PLEKHA5: variants seen among roughly 807,000 people sequenced by gnomAD.
PLEKHA5 encodes pleckstrin homology domain containing A5, also known as pleckstrin homology domain-containing family A member 5.
PLEKHA5 carries 55 observed loss-of-function variants against 181.9 expected under a neutral mutation model. That is an observed-to-expected ratio of 0.30 (90% CI 0.24 to 0.38). PLEKHA5 has a LOEUF of 0.38. Ranked by LOEUF, PLEKHA5 falls within the 10% of genes least tolerant of loss-of-function variation. PLEKHA5 has a pLI of 1.00. For missense variants in PLEKHA5, 1,432 were observed against 1,549.5 expected (o/e 0.92, Z 1.27); for synonymous variants, 535 against 529.4 (o/e 1.01, Z -0.15).
chr12:19,320,671 C>T (rs755769702), intron 18 of PLEKHA5, 47 bp downstream of exon 18: 32 of 824,844 alleles, frequency 3.9e-5, no homozygotes, highest in Non-Finnish European at 5.9e-5. Flanking sequence ...TCGTATTCTC[C>T]GCCAAAAACA....
intron 3 of PLEKHA5, among the ~76,000 whole-genome samples, chr12:19,161,330 GTTC>G (rs1329326594): frequency 2.0e-5 from 3 of 151,990 alleles, no homozygotes; most frequent in Non-Finnish European, 4.4e-5. Flanking sequence ...TTAATCATTG[GTTC>G]TTCACTGGAA....
intron 3 of PLEKHA5, among the ~76,000 whole-genome samples, chr12:19,187,978 A>C (rs2050233963): frequency 6.6e-6 from 1 of 152,190 alleles, no homozygotes; most frequent in Non-Finnish European, 1.5e-5. Flanking sequence ...GTTTGCTAAG[A>C]TTCTTTGACA....
intron 3 of PLEKHA5, among the ~76,000 whole-genome samples, chr12:19,192,464 G>A (rs911028671): frequency 3.9e-5 from 6 of 152,238 alleles, no homozygotes; most frequent in Admixed American, 2.6e-4. Context: ...TTGGGAGGCC[G>A]AGGCGGGCAG....
At chr12:19,374,053 G>T (rs567480813) in intron 31 of PLEKHA5, among the ~76,000 whole-genome samples, 15 of 152,294 alleles carry the variant, frequency 9.8e-5, no homozygotes, top group African/African-American at 2.6e-4. Context: ...ATGAAAACTT[G>T]TATTATTTCA....
intron 3 of PLEKHA5, among the ~76,000 whole-genome samples, chr12:19,174,180 A>G (rs1375954594): frequency 6.6e-6 from 1 of 152,192 alleles, no homozygotes; most frequent in East Asian, 1.9e-4. Context: ...AATTAAAACA[A>G]TGTAAATGCC....
chr12:19,284,676 A>G (rs2076861419), intron 12 of PLEKHA5, among the ~76,000 whole-genome samples: 1 of 152,226 alleles, frequency 6.6e-6, no homozygotes, highest in Non-Finnish European at 1.5e-5. Flanking sequence ...CTTTGTATCA[A>G]TCAGCTTTTC....
intron 3 of PLEKHA5, among the ~76,000 whole-genome samples, chr12:19,161,310 C>G (rs1024290141): frequency 7.2e-5 from 11 of 152,096 alleles, no homozygotes; most frequent in Non-Finnish European, 1.3e-4. Context: ...CCCCCCACAG[C>G]TTATTTGAGT....
At chr12:19,224,806 G>A (rs114644275) in intron 3 of PLEKHA5, among the ~76,000 whole-genome samples, 4,748 of 152,088 alleles carry the variant, frequency 0.031, 103 homozygotes, top group Middle Eastern at 0.088. Context: ...CAGTATACAC[G>A]TTCTAAAAGC....
At chr12:19,366,831 G>A (rs1273448857) in intron 30 of PLEKHA5, among the ~76,000 whole-genome samples, 1 of 152,028 alleles carries the variant, frequency 6.6e-6, no homozygotes, top group Non-Finnish European at 1.5e-5. Context: ...TCCTTCAATT[G>A]TAGAAAATTA....
At position 19,372,448 on chromosome 12, in the gene PLEKHA5, A is replaced by G. The variant is rs1280737868; in HGVS notation, c.*11+2650A>G. The G allele has an allele frequency of 4.5e-5, 6 of 132,716 alleles. No homozygotes were observed. The Admixed American group carries it at 4.9e-4, about 11-fold the overall frequency. The allele number at this position is 132,716 out of a possible 1,614,324, so 8.2% of individuals were successfully genotyped here. On this transcript the variant is annotated intron_variant, in intron 31 of 31. Coordinates refer to ENST00000429027, the MANE Select transcript of PLEKHA5 (RefSeq NM_001256470.2). ...GTTTTGAGTTCCTTCCAGATTCTGG[A>G]TATTAGTCCTTTGTTGGATGCATAG...
chr12:19,252,710 C>T (rs1266472802), intron 3 of PLEKHA5, among the ~76,000 whole-genome samples: 3 of 152,042 alleles, frequency 2.0e-5, no homozygotes, highest in African/African-American at 7.2e-5. Context: ...TTTTGCTTCT[C>T]CTTCAGATTT....
chr12:19,264,799 C>CATAAT (rs1178855894), intron 7 of PLEKHA5, among the ~76,000 whole-genome samples: 1 of 139,852 alleles, frequency 7.2e-6, no homozygotes, highest in African/African-American at 2.6e-5. Flanking sequence ...AAAAAAGTCA[C>CATAAT]ACACAGCAAA....
intron 15 of PLEKHA5, among the ~76,000 whole-genome samples, chr12:19,300,828 T>G (rs963189108): frequency 2.6e-5 from 4 of 152,236 alleles, no homozygotes; most frequent in African/African-American, 9.6e-5. Context: ...TATCTAGAAG[T>G]TATTTTAATT....
intron 3 of PLEKHA5, among the ~76,000 whole-genome samples, chr12:19,180,119 A>ATTATT (rs2048218183): frequency 6.6e-6 from 1 of 152,212 alleles, no homozygotes; most frequent in Admixed American, 6.5e-5. Flanking sequence ...AAGGTGCAGT[A>ATTATT]TGCTGGTGAT....
At chr12:19,306,148 T>A (rs966996255) in intron 15 of PLEKHA5, among the ~76,000 whole-genome samples, 3 of 152,120 alleles carry the variant, frequency 2.0e-5, no homozygotes, top group African/African-American at 7.2e-5. Flanking sequence ...GGATTAAGTA[T>A]CAGATTTTCT....
intron 15 of PLEKHA5, chr12:19,306,614 G>A: frequency 2.1e-6 from 2 of 971,278 alleles, no homozygotes; most frequent in Non-Finnish European, 1.7e-6. Flanking sequence ...TAGCGGAGGT[G>A]GTGGCGGCGG....
At chr12:19,264,243 C>T (rs2069536135) in intron 7 of PLEKHA5, among the ~76,000 whole-genome samples, 1 of 152,026 alleles carries the variant, frequency 6.6e-6, no homozygotes, top group Admixed American at 6.6e-5. Flanking sequence ...GCATCAATAA[C>T]TTGGCAAGGA....
At chr12:19,301,175 A>G (rs1354071101) in intron 15 of PLEKHA5, among the ~76,000 whole-genome samples, 2 of 152,074 alleles carry the variant, frequency 1.3e-5, no homozygotes, top group African/African-American at 4.8e-5. Context: ...ATTCAAGTAT[A>G]TTTTAGAATA....
chr12:19,279,674 T>C (rs1335725996), intron 11 of PLEKHA5, among the ~76,000 whole-genome samples: 2 of 147,844 alleles, frequency 1.4e-5, no homozygotes, highest in Admixed American at 1.3e-4. Context: ...AAAAAAAAAA[T>C]ACATACATAT....
Sources: allele counts gnomAD v4.1 joint callset (sites outside exome capture counted in the v4.1 genomes callset), GRCh38; gene constraint gnomAD v4.1.1; transcripts MANE v1.5; gene names NCBI Gene and HGNC (gene_info 2026-07-23, HGNC 2026-07-21).